RMND5A: variants seen among roughly 807,000 people sequenced by gnomAD.
The protein encoded by RMND5A is required for meiotic nuclear division 5 homolog A.
A neutral mutation model predicts 49.7 loss-of-function variants in RMND5A; 17 were observed. That is an observed-to-expected ratio of 0.34 (90% CI 0.23 to 0.51). RMND5A has a LOEUF of 0.51. Ranked by LOEUF, RMND5A falls within the 20% of genes least tolerant of loss-of-function variation. The probability of loss-of-function intolerance (pLI) is 0.96; values close to 1 mark genes in which losing one functional copy is unlikely to be tolerated. For missense variants in RMND5A, 255 were observed against 471.3 expected, an observed-to-expected ratio of 0.54 and a Z score of 4.25; for synonymous variants, 156 against 167.7, an observed-to-expected ratio of 0.93 and a Z score of 0.54.
chr2:86,761,094 G>A (rs1672481198), intron 4 of RMND5A, among the ~76,000 whole-genome samples: 1 of 152,002 alleles, frequency 6.6e-6, no homozygotes, highest in Admixed American at 6.6e-5. Flanking sequence ...GAACTTCACA[G>A]CCAGTAAAAG....
At chr2:86,752,706 T>A (rs992762208) in intron 3 of RMND5A, among the ~76,000 whole-genome samples, 4 of 152,238 alleles carry the variant, frequency 2.6e-5, no homozygotes, top group Non-Finnish European at 5.9e-5. Context: ...AGAACTGGGA[T>A]TCAGTCCCTG....
intron 7 of RMND5A, 113 bp from the exon 8 acceptor site, chr2:86,771,445 A>G: frequency 2.3e-6 from 2 of 861,366 alleles, no homozygotes; most frequent in East Asian, 2.6e-5. Context: ...AGAAAGTTAC[A>G]TTCAGGTGAA....
At chr2:86,759,783 G>T (rs368786697) in intron 4 of RMND5A, among the ~76,000 whole-genome samples, 4 of 152,000 alleles carry the variant, frequency 2.6e-5, no homozygotes, top group African/African-American at 9.6e-5. Context: ...CTGGGCAACA[G>T]AATGAGACTC....
chr2:86,746,651 T>A (rs1681542290), intron 2 of RMND5A, among the ~76,000 whole-genome samples: 1 of 152,248 alleles, frequency 6.6e-6, no homozygotes, highest in Non-Finnish European at 1.5e-5. Flanking sequence ...TCTAGTGCCC[T>A]GAGGGCACCC....
intron 6 of RMND5A, among the ~76,000 whole-genome samples, chr2:86,769,120 T>C (rs1232391486): frequency 6.6e-6 from 1 of 152,044 alleles, no homozygotes; most frequent in Non-Finnish European, 1.5e-5. Flanking sequence ...AATTTTTATA[T>C]CTTTTGTAGA....
chr2:86,770,157 T>G, intron 7 of RMND5A, 32 bp downstream of exon 7: 4 of 1,369,854 alleles, frequency 2.9e-6, no homozygotes, highest in Non-Finnish European at 4.2e-6. Context: ...CTATTTACTT[T>G]TACTGCCATT....
Position 86,774,101 on chromosome 2 carries a change from ATTG to A in RMND5A, c.*693_*695del, listed in dbSNP as rs1672727280. On this transcript the variant is annotated 3_prime_UTR_variant, in exon 9 of 9. Coordinates refer to ENST00000283632, the MANE Select transcript of RMND5A (RefSeq NM_022780.4). ...GTTAGCATAGAGTGGAAGGAGTACT[ATTG>A]TTTGGTTGGGTTTTTGTTTGTTTGT... 6.6e-6 allele frequency: 1 copy of A among 152,562 alleles called. No homozygotes were observed. Among genetic ancestry groups the A allele is most frequent in the East Asian group, 1.9e-4 (1 of 5,196 alleles). 9.5% of individuals were successfully genotyped at this position (152,562 alleles called of 1,614,324 possible). A position where few individuals can be genotyped will look rare whatever the true frequency, so the allele number is the denominator to read the frequency against.
intron 8 of RMND5A, among the ~76,000 whole-genome samples, chr2:86,772,584 A>C (rs1672702126): frequency 6.6e-6 from 1 of 152,020 alleles, no homozygotes; most frequent in South Asian, 2.1e-4. Context: ...AATTTATTTT[A>C]GTTAGTGAGC....
chr2:86,742,595 T>G (rs571056500), intron 2 of RMND5A, among the ~76,000 whole-genome samples: 3 of 151,584 alleles, frequency 2.0e-5, no homozygotes, highest in Admixed American at 6.6e-5. Context: ...TGGGGCACTT[T>G]AGAGATGGTC....
chr2:86,749,933 T>A (rs1262163212), intron 2 of RMND5A, among the ~76,000 whole-genome samples: 1 of 152,200 alleles, frequency 6.6e-6, no homozygotes, highest in Non-Finnish European at 1.5e-5. Flanking sequence ...TGCATTGTGA[T>A]TGTAAATAGT....
At chr2:86,747,779 C>A (rs1028276109) in intron 2 of RMND5A, among the ~76,000 whole-genome samples, 1 of 152,076 alleles carries the variant, frequency 6.6e-6, no homozygotes, top group Non-Finnish European at 1.5e-5. Context: ...AAGCCATTTC[C>A]GACTGATTTG....
rs137956456 is a variant in RMND5A at position 86,752,297 on chromosome 2, G to A, written c.420+267G>A. ...AGTCCCAGTTCATGAATCAAAGGGC[G>A]CAAAAGCGATATTCTTTCTTCATGT... On this transcript the variant is annotated intron_variant, in intron 3 of 8. Transcript: ENST00000283632. 4.2e-3 allele frequency among the ~76,000 whole-genome samples: 641 copies of A among 152,198 alleles called. 10 individuals carry two copies. The highest frequency in any genetic ancestry group is 0.031 in the Admixed American group (472 of 15,286).
intron 7 of RMND5A, chr2:86,771,323 T>C (rs139529331): frequency 4.3e-4 from 181 of 418,110 alleles, no homozygotes; most frequent in African/African-American, 3.2e-3. Context: ...GATCAGGTCA[T>C]TGTTTGTCAG....
In RMND5A at chr2:86,753,476, G is replaced by A; in HGVS notation, c.439G>A (p.Asp147Asn). ...TTTCCAGGAATCTGGTCTTTCTGTA[G>A]ACCCAAGTCAGAAGGAACCATTTGT... ...ELCQESGLSV[D>N]PSQKEPFVEL... Residue 147 changes from aspartate (D) to asparagine (N), a missense_variant, in exon 4 of 9, where the codon GAC (aspartate) becomes AAC (asparagine). Physicochemically the swap from Asp to Asn is conservative, Grantham distance 23 (BLOSUM62 1). Around this residue, in one of 3 missense-constraint regions of RMND5A, gnomAD observed 208 missense variants for 339.8 expected, o/e 0.61. Transcript: ENST00000283632. 5 of 1,608,360 alleles carry A rather than the reference G, an allele frequency of 3.1e-6. No individual in the cohort carries two copies. Among genetic ancestry groups the A allele is most frequent in the Non-Finnish European group, 4.3e-6 (5 of 1,176,038 alleles).
At chr2:86,766,130 C>A in intron 6 of RMND5A, 106 bp downstream of exon 6, 3 of 991,962 alleles carry the variant, frequency 3.0e-6, no homozygotes, top group Non-Finnish European at 3.0e-6. Flanking sequence ...TTTGTCTTTC[C>A]AAAGAAGAGT....
chr2:86,766,341 A>C (rs960577695), intron 6 of RMND5A, among the ~76,000 whole-genome samples: 1 of 152,148 alleles, frequency 6.6e-6, no homozygotes, highest in Non-Finnish European at 1.5e-5. Flanking sequence ...AAACTCCACG[A>C]ATAGCTGGAT....
intron 6 of RMND5A, among the ~76,000 whole-genome samples, chr2:86,769,149 T>C (rs1049730788): frequency 6.6e-6 from 1 of 152,102 alleles, no homozygotes; most frequent in Non-Finnish European, 1.5e-5. Flanking sequence ...TCTCACTGTG[T>C]TTCCCAGGCT....
At chr2:86,721,130 C>T in intron 1 of RMND5A, 1 of 267,974 alleles carries the variant, frequency 3.7e-6, no homozygotes, top group Non-Finnish European at 7.1e-6. Flanking sequence ...AGTGGGCGCC[C>T]CTCGTCCCCC....
At chr2:86,767,526 C>T (rs996578628) in intron 6 of RMND5A, among the ~76,000 whole-genome samples, 1 of 151,736 alleles carries the variant, frequency 6.6e-6, no homozygotes, top group Non-Finnish European at 1.5e-5. Context: ...AGTGATTCTC[C>T]TGCCTCAGGC....
Sources: allele counts gnomAD v4.1 joint callset (sites outside exome capture counted in the v4.1 genomes callset), GRCh38; gene constraint gnomAD v4.1.1; regional missense constraint gnomAD v4.1.1; transcripts MANE v1.5; gene names NCBI Gene and HGNC (gene_info 2026-07-23, HGNC 2026-07-21).